The following HNRNPR variants were observed in gnomAD, a reference collection of about 807,000 sequenced individuals.
HNRNPR encodes heterogeneous nuclear ribonucleoprotein R.
Under a neutral mutation model 70.3 loss-of-function variants are expected in HNRNPR, and 4 were observed. The observed-to-expected ratio is 0.06, with a 90% confidence interval of 0.03 to 0.13. HNRNPR has a LOEUF of 0.13. HNRNPR is among the 10% of genes least tolerant of loss of function. HNRNPR has a pLI of 1.00. For synonymous variants in HNRNPR, 241 were observed against 267.6 expected, an observed-to-expected ratio of 0.90 and a Z score of 0.97; for missense variants, 423 against 788.5, an observed-to-expected ratio of 0.54 and a Z score of 5.55.
chr1:23,309,928 A>G lies in HNRNPR; in HGVS notation c.*526T>C, dbSNP rs1484650388. On this transcript the variant is annotated 3_prime_UTR_variant, in exon 11 of 11. Transcript: ENST00000302271. Reference sequence around the variant, plus strand: ...TAGGGCAGATTTCAAAAAGGTGTGAAGTTATAACAATTTAAAAACACAGTT... The same window carrying G: ...TAGGGCAGATTTCAAAAAGGTGTGAGGTTATAACAATTTAAAAACACAGTT... 2.0e-5 allele frequency: 3 copies of G among 152,676 alleles called. No homozygotes were observed. The highest frequency in any genetic ancestry group is 7.2e-5 in the African/African-American group (3 of 41,460). The allele number at this position is 152,676 out of a possible 1,614,324, so 9.5% of individuals were successfully genotyped here. A position where few individuals can be genotyped will look rare whatever the true frequency, so the allele number is the denominator to read the frequency against.
chr1:23,324,071 G>C (rs574063655), intron 5 of HNRNPR, among the ~76,000 whole-genome samples: 1 of 152,068 alleles, frequency 6.6e-6, no homozygotes, highest in South Asian at 2.1e-4. Flanking sequence ...CTAGCACTTT[G>C]AGAGGCCAAG....
intron 4 of HNRNPR, among the ~76,000 whole-genome samples, chr1:23,334,992 A>G (rs539113853): frequency 5.3e-5 from 8 of 151,662 alleles, no homozygotes; most frequent in Non-Finnish European, 1.2e-4. Flanking sequence ...ATCTTGGCTC[A>G]CTGCAAGCTC....
At chr1:23,314,710 G>A in intron 8 of HNRNPR, among the ~76,000 whole-genome samples, 1 of 152,110 alleles carries the variant, frequency 6.6e-6, no homozygotes, top group East Asian at 1.9e-4. Flanking sequence ...TCAAGAATGA[G>A]GAAAATAATT....
chr1:23,335,819 A>ATT (rs1646451265), intron 4 of HNRNPR, among the ~76,000 whole-genome samples: 1 of 152,112 alleles, frequency 6.6e-6, no homozygotes, highest in South Asian at 2.1e-4. Flanking sequence ...ACTATTTCTA[A>ATT]TTAAAAAGTC....
intron 7 of HNRNPR, among the ~76,000 whole-genome samples, chr1:23,319,816 T>C (rs1276089642): frequency 1.3e-5 from 2 of 152,222 alleles, no homozygotes; most frequent in Non-Finnish European, 2.9e-5. Flanking sequence ...TACTGACTTC[T>C]TTCTTGCCTT....
At chr1:23,341,931 G>C (rs899838853) in intron 1 of HNRNPR, among the ~76,000 whole-genome samples, 2 of 152,152 alleles carry the variant, frequency 1.3e-5, no homozygotes, top group African/African-American at 4.8e-5. Context: ...TGAAGAGAGA[G>C]AGTAAACAAT....
intron 7 of HNRNPR, among the ~76,000 whole-genome samples, 167 bp downstream of exon 7, chr1:23,321,361 A>C (rs1402145253): frequency 6.6e-6 from 1 of 152,200 alleles, no homozygotes; most frequent in Non-Finnish European, 1.5e-5. Flanking sequence ...GAAGGATATA[A>C]GGGAACTTGC....
In HNRNPR at chr1:23,310,838, C is replaced by T. The variant is rs1645303965; in HGVS notation, c.1518G>A (p.Arg506=). 6.2e-7 allele frequency: 1 copy of T among 1,614,140 alleles called. No homozygotes were observed. Among genetic ancestry groups the T allele is most frequent in the Non-Finnish European group, 8.5e-7 (1 of 1,180,026 alleles). ...GTGGTGGTGGAGCACCTCGCCCTCCCCTTCCTCCTCCTCTTCCTCTTACTG... is the reference window on the plus strand; with the variant it reads ...GTGGTGGTGGAGCACCTCGCCCTCCTCTTCCTCCTCCTCTTCCTCTTACTG... ...GYAVRGRGGG[R]GGRGAPPPPR... is the part of the protein sequence containing the mutation. Residue 506 remains arginine (R), a synonymous_variant, in exon 11 of 11, where the codon AGG becomes AGA. Transcript: ENST00000302271. The surrounding 1 kb of genome is among the most constrained non-coding windows in gnomAD (Gnocchi z 6.0).
At chr1:23,324,878 C>T (rs1205438089) in intron 5 of HNRNPR, among the ~76,000 whole-genome samples, 4 of 152,148 alleles carry the variant, frequency 2.6e-5, no homozygotes, top group African/African-American at 7.2e-5. Context: ...CGGTGGCTCA[C>T]GCCTGTAATC....
At chr1:23,341,176 CAAT>C (rs1646692424) in intron 1 of HNRNPR, among the ~76,000 whole-genome samples, 159 bp from the exon 2 acceptor site, 1 of 152,060 alleles carries the variant, frequency 6.6e-6, no homozygotes, top group Admixed American at 6.6e-5. Flanking sequence ...CCTAAATTGG[CAAT>C]AATAATCCTG....
chr1:23,335,506 T>A (rs770987126), intron 4 of HNRNPR, among the ~76,000 whole-genome samples: 105 of 152,346 alleles, frequency 6.9e-4, no homozygotes, highest in Non-Finnish European at 5.9e-4. Context: ...ATCCTCCCTA[T>A]CATTGGCATT....
intron 5 of HNRNPR, among the ~76,000 whole-genome samples, chr1:23,327,649 C>T (rs2148414040): frequency 6.6e-6 from 1 of 152,034 alleles, no homozygotes; most frequent in South Asian, 2.1e-4. Flanking sequence ...GAGATCACGC[C>T]ACTGCACTCC....
At chr1:23,336,940 C>A (rs2148476770) in intron 4 of HNRNPR, among the ~76,000 whole-genome samples, 1 of 152,170 alleles carries the variant, frequency 6.6e-6, no homozygotes, top group Middle Eastern at 3.4e-3. Context: ...TTATATAGTT[C>A]TTGCTACATT....
intron 4 of HNRNPR, among the ~76,000 whole-genome samples, chr1:23,336,898 AAT>A (rs1646515847): frequency 6.6e-6 from 1 of 152,212 alleles, no homozygotes; most frequent in Admixed American, 6.5e-5. Flanking sequence ...TTATCTAAGT[AAT>A]AAAATGGTAA....
intron 5 of HNRNPR, among the ~76,000 whole-genome samples, chr1:23,332,010 T>C (rs1032266238): frequency 1.3e-5 from 2 of 151,716 alleles, no homozygotes; most frequent in African/African-American, 2.4e-5. Context: ...CAGGCATCTG[T>C]AGTCCCAGCT....
chr1:23,343,540 T>C (rs1292304602), intron 1 of HNRNPR, among the ~76,000 whole-genome samples: 1 of 152,200 alleles, frequency 6.6e-6, no homozygotes, highest in East Asian at 1.9e-4. Context: ...CCTTTCCAAT[T>C]TGGTGCGCCT....
rs754560878 is a variant in HNRNPR at position 23,321,525 on chromosome 1, T to C, written c.811+3A>G. The C allele has an allele frequency of 1.4e-5, 23 of 1,610,896 alleles. No homozygotes were observed. The highest frequency in any genetic ancestry group is 1.4e-5 in the Non-Finnish European group (17 of 1,178,134). ...GTAATTTCTAAATACATTTTTGTTTTACCTGTGACTTTACTGAATTCTTCC... is the reference window on the plus strand; with the variant it reads ...GTAATTTCTAAATACATTTTTGTTTCACCTGTGACTTTACTGAATTCTTCC... On this transcript the variant is annotated splice_donor_region_variant and intron_variant, in intron 7 of 10. Transcript: ENST00000302271.
At chr1:23,326,611 C>A (rs1235385274) in intron 5 of HNRNPR, among the ~76,000 whole-genome samples, 2 of 152,010 alleles carry the variant, frequency 1.3e-5, no homozygotes, top group African/African-American at 4.8e-5. Flanking sequence ...ATGGTGAAAC[C>A]CCATCTCTAC....
chr1:23,330,688 C>T (rs187385625), intron 5 of HNRNPR, among the ~76,000 whole-genome samples: 3 of 152,264 alleles, frequency 2.0e-5, no homozygotes, highest in East Asian at 3.9e-4. Context: ...TTGCATATTT[C>T]TCATCTCAGA....
Sources: allele counts gnomAD v4.1 joint callset (sites outside exome capture counted in the v4.1 genomes callset), GRCh38; gene constraint gnomAD v4.1.1; non-coding constraint Gnocchi (gnomAD v3.1); transcripts MANE v1.5; gene names NCBI Gene and HGNC (gene_info 2026-07-23, HGNC 2026-07-21).